Variants in ATXN7L3B observed in about 807,000 individuals in gnomAD.
The protein encoded by ATXN7L3B is ataxin-7-like protein 3B.
Under a neutral mutation model 6.3 loss-of-function variants are expected in ATXN7L3B, and 4 were observed. The observed-to-expected ratio is 0.63, with a 90% CI of 0.31 to 1.45. ATXN7L3B has a LOEUF of 1.45. ATXN7L3B is among the 40% of genes most tolerant of loss of function. ATXN7L3B has a pLI of 0.07. For synonymous variants in ATXN7L3B, 63 were observed against 48.0 expected (o/e 1.31, Z -1.29); for missense variants, 120 against 118.5 (o/e 1.01, Z -0.06).
Position 74,543,886 on chromosome 12 carries a change from A to G in ATXN7L3B, c.*5480A>G, listed in dbSNP as rs535262629. The G allele has an allele frequency of 1.3e-5, 2 of 152,226 alleles. No homozygotes were observed. The highest frequency in any genetic ancestry group is 2.1e-4 in the South Asian group (1 of 4,832). The allele number at this position is 152,226 out of a possible 1,614,324, so 9.4% of individuals were successfully genotyped here. ...GTACCAAAAATCTACACCAGTTACT[A>G]TACTTATTAATGAATACTTGGAAGC... On this transcript the variant is annotated 3_prime_UTR_variant, in exon 1 of 1. Coordinates refer to ENST00000519948, the MANE Select transcript of ATXN7L3B (RefSeq NM_001136262.2).
At position 74,540,723 on chromosome 12, in the gene ATXN7L3B, A is replaced by T. The variant is rs1373552878; in HGVS notation, c.*2317A>T. On this transcript the variant is annotated 3_prime_UTR_variant, in exon 1 of 1. Transcript: ENST00000519948. ...TTCCTAACAATGTCTTGGAAGTGGGATGATGGTAAAGGAGAAAGGCCACAG... is the reference window on the plus strand; with the variant it reads ...TTCCTAACAATGTCTTGGAAGTGGGTTGATGGTAAAGGAGAAAGGCCACAG... The T allele has an allele frequency of 6.0e-6, 1 of 167,082 alleles. No homozygotes were observed. The highest frequency in any genetic ancestry group is 1.5e-5 in the Non-Finnish European group (1 of 68,122). The allele number at this position is 167,082 out of a possible 1,614,324, so 10.3% of individuals were successfully genotyped here.
rs1868913947 is a variant in ATXN7L3B, at chr12:74,542,070, T to G, written c.*3664T>G. The G allele has an allele frequency of 6.6e-6, 1 of 152,144 alleles. No individual in the cohort carries two copies. The highest frequency in any genetic ancestry group is 2.4e-5 in the African/African-American group (1 of 41,422). 9.4% of individuals were successfully genotyped at this position (152,144 alleles called of 1,614,324 possible). A position where few individuals can be genotyped will look rare whatever the true frequency, so the allele number is the denominator to read the frequency against. ...GTATTGGACATAATACTGAGATTAA[T>G]AAAAATTACAGAAATGAGTCCAGAG... On this transcript the variant is annotated 3_prime_UTR_variant, in exon 1 of 1. Transcript: ENST00000519948.
chr12:74,537,995 C>A lies in ATXN7L3B; in HGVS notation c.-118C>A, dbSNP rs1592595102. ...CCTGCAGTTGCGGACGCCACCGACC[C>A]CGCCGCCGGAGGACTGGGCACTGAA... On this transcript the variant is annotated 5_prime_UTR_variant, in exon 1 of 1. Coordinates refer to ENST00000519948, the MANE Select transcript of ATXN7L3B (RefSeq NM_001136262.2). 1.0e-6 allele frequency: 1 copy of A among 960,878 alleles called. No homozygotes were observed. The highest frequency in any genetic ancestry group is 2.6e-5 in the East Asian group (1 of 37,996). The allele number at this position is 960,878 out of a possible 1,614,324, so 59.5% of individuals were successfully genotyped here. A position where few individuals can be genotyped will look rare whatever the true frequency, so the allele number is the denominator to read the frequency against.
In ATXN7L3B at chr12:74,545,396, A is replaced by G. The variant is rs1360577063; in HGVS notation, c.*6990A>G. On this transcript the variant is annotated 3_prime_UTR_variant, in exon 1 of 1. Transcript: ENST00000519948. The stretch of plus-strand genomic sequence containing the variant: ...ATCAATGCTGTATGTTGTTTAAATA[A>G]TTGTGAATATGAAATAAAAACTATA... 6.6e-6 allele frequency: 1 copy of G among 152,128 alleles called. No homozygotes were observed. The highest frequency in any genetic ancestry group is 1.9e-4 in the East Asian group (1 of 5,200). 9.4% of individuals were successfully genotyped at this position (152,128 alleles called of 1,614,324 possible).
chr12:74,541,019 CAG>C lies in ATXN7L3B; in HGVS notation c.*2614_*2615del, dbSNP rs1213554963. On this transcript the variant is annotated 3_prime_UTR_variant, in exon 1 of 1. Transcript: ENST00000519948. ...AGAATGCTCCCTACCATATAGTTGA[CAG>C]TGGTTAGGAACTCTCCCTTTCCCTA... is the stretch of plus-strand genomic sequence containing the variant. 4.8e-5 allele frequency: 8 copies of C among 166,934 alleles called. No individual in the cohort carries two copies. The highest frequency in any genetic ancestry group is 2.9e-5 in the Non-Finnish European group (2 of 68,142). The allele number at this position is 166,934 out of a possible 1,614,324, so 10.3% of individuals were successfully genotyped here.
rs1419429446 is a variant in ATXN7L3B, at chr12:74,543,429, AAAGGG to A, written c.*5027_*5031del. On this transcript the variant is annotated 3_prime_UTR_variant, in exon 1 of 1. Coordinates refer to ENST00000519948, the MANE Select transcript of ATXN7L3B (RefSeq NM_001136262.2). ...TAGGGCAATGAATTTGAAAACAAAA[AAAGGG>A]AAGTCTATTTTAAAATAGAACTCAA... 2.0e-5 allele frequency: 3 copies of A among 152,118 alleles called. No individual in the cohort carries two copies. The highest frequency in any genetic ancestry group is 4.4e-5 in the Non-Finnish European group (3 of 67,948). 9.4% of individuals were successfully genotyped at this position (152,118 alleles called of 1,614,324 possible).
chr12:74,542,478 A>G lies in ATXN7L3B; in HGVS notation c.*4072A>G, dbSNP rs1421230052. 1 of 152,160 alleles carries G rather than the reference A, an allele frequency of 6.6e-6. No homozygotes were observed. The highest frequency in any genetic ancestry group is 2.4e-5 in the African/African-American group (1 of 41,454). The allele number at this position is 152,160 out of a possible 1,614,324, so 9.4% of individuals were successfully genotyped here. A position where few individuals can be genotyped will look rare whatever the true frequency, so the allele number is the denominator to read the frequency against. ...CTAAGCTAATTAGTTTTCTAAAAAG[A>G]TAATTGCAAGACCCCTGCTTTACCA... On this transcript the variant is annotated 3_prime_UTR_variant, in exon 1 of 1. Coordinates refer to ENST00000519948, the MANE Select transcript of ATXN7L3B (RefSeq NM_001136262.2).
chr12:74,538,346 C>T lies in ATXN7L3B; in HGVS notation c.234C>T (p.Pro78=). 5 of 1,552,054 alleles carry T rather than the reference C, an allele frequency of 3.2e-6. No homozygotes were observed. The highest frequency in any genetic ancestry group is 3.5e-6 in the Non-Finnish European group (4 of 1,147,140). Residue 78 remains proline (P), a synonymous_variant, in exon 1 of 1, where the codon CCC becomes CCT. Transcript: ENST00000519948. The stretch of plus-strand genomic sequence containing the variant: ...GCCGCCTCCCGCTTTGCTCCCTTCC[C>T]GGAGAACCTGGGAATGGGCCTGATC... ...GACRLPLCSL[P]GEPGNGPDQQ... is the part of the protein sequence containing the mutation.
At position 74,545,322 on chromosome 12, in the gene ATXN7L3B, T is replaced by C. The variant is rs1255215737; in HGVS notation, c.*6916T>C. The C allele has an allele frequency of 2.0e-5, 3 of 152,120 alleles. No individual in the cohort carries two copies. Among genetic ancestry groups the C allele is most frequent in the South Asian group, 4.1e-4 (2 of 4,836 alleles). 9.4% of individuals were successfully genotyped at this position (152,120 alleles called of 1,614,324 possible). A position where few individuals can be genotyped will look rare whatever the true frequency, so the allele number is the denominator to read the frequency against. On this transcript the variant is annotated 3_prime_UTR_variant, in exon 1 of 1. Coordinates refer to ENST00000519948, the MANE Select transcript of ATXN7L3B (RefSeq NM_001136262.2). ...AGCTGTACAAATAAAATAGTAAACC[T>C]ATGTTCTTATACTTTGTTGCCTTTC... is the stretch of plus-strand genomic sequence containing the variant.
chr12:74,538,016 C>T lies in ATXN7L3B; in HGVS notation c.-97C>T, dbSNP rs931906383. 4.8e-6 allele frequency: 6 copies of T among 1,241,944 alleles called. No individual in the cohort carries two copies. The highest frequency in any genetic ancestry group is 1.5e-5 in the South Asian group (1 of 65,828). 76.9% of individuals were successfully genotyped at this position (1,241,944 alleles called of 1,614,324 possible). A position where few individuals can be genotyped will look rare whatever the true frequency, so the allele number is the denominator to read the frequency against. On this transcript the variant is annotated 5_prime_UTR_variant, in exon 1 of 1. Transcript: ENST00000519948. ...GACCCCGCCGCCGGAGGACTGGGCA[C>T]TGAAAGGCCTCTAGGCCTAGGCGCG...
Position 74,543,196 on chromosome 12 carries a change from A to G in ATXN7L3B, c.*4790A>G, listed in dbSNP as rs1264182041. 6.6e-6 allele frequency: 1 copy of G among 152,100 alleles called. No homozygotes were observed. Among genetic ancestry groups the G allele is most frequent in the Admixed American group, 6.5e-5 (1 of 15,268 alleles). The allele number at this position is 152,100 out of a possible 1,614,324, so 9.4% of individuals were successfully genotyped here. On this transcript the variant is annotated 3_prime_UTR_variant, in exon 1 of 1. Coordinates refer to ENST00000519948, the MANE Select transcript of ATXN7L3B (RefSeq NM_001136262.2). ...ATGTGAGCTAAAAAGGAAATACTAA[A>G]TTGATTTTAGAGATGAAAAAAAAAT...
In ATXN7L3B at chr12:74,541,899, T is replaced by C. The variant is rs530527498; in HGVS notation, c.*3493T>C. The C allele has an allele frequency of 6.6e-6, 1 of 152,336 alleles. No homozygotes were observed. Among genetic ancestry groups the C allele is most frequent in the South Asian group, 2.1e-4 (1 of 4,830 alleles). 9.4% of individuals were successfully genotyped at this position (152,336 alleles called of 1,614,324 possible). A position where few individuals can be genotyped will look rare whatever the true frequency, so the allele number is the denominator to read the frequency against. ...TACTTAAAAAATTACCTCAACACTT[T>C]AGATCTTTCATTTCATTTTTAATAG... On this transcript the variant is annotated 3_prime_UTR_variant, in exon 1 of 1. Transcript: ENST00000519948.
Position 74,545,418 on chromosome 12 carries a change from T to C in ATXN7L3B, c.*7012T>C, listed in dbSNP as rs1219031546. The C allele has an allele frequency of 6.6e-6, 1 of 152,154 alleles. No homozygotes were observed. The highest frequency in any genetic ancestry group is 1.5e-5 in the Non-Finnish European group (1 of 67,958). 9.4% of individuals were successfully genotyped at this position (152,154 alleles called of 1,614,324 possible). ...ATAATTGTGAATATGAAATAAAAAC[T>C]ATACCAAAAATATTGGATGAGACTT... On this transcript the variant is annotated 3_prime_UTR_variant, in exon 1 of 1. Coordinates refer to ENST00000519948, the MANE Select transcript of ATXN7L3B (RefSeq NM_001136262.2).
rs1291809991 is a variant in ATXN7L3B at position 74,542,785 on chromosome 12, C to T, written c.*4379C>T. On this transcript the variant is annotated 3_prime_UTR_variant, in exon 1 of 1. Coordinates refer to ENST00000519948, the MANE Select transcript of ATXN7L3B (RefSeq NM_001136262.2). ...AAGTAACATTGCCTTCTCTTAAGACCTATCTGAAGTGTTGTGAAGTTTTTC... is the reference window on the plus strand; with the variant it reads ...AAGTAACATTGCCTTCTCTTAAGACTTATCTGAAGTGTTGTGAAGTTTTTC... 1 of 152,102 alleles carries T rather than the reference C, an allele frequency of 6.6e-6. No homozygotes were observed. The highest frequency in any genetic ancestry group is 1.5e-5 in the Non-Finnish European group (1 of 67,972). The allele number at this position is 152,102 out of a possible 1,614,324, so 9.4% of individuals were successfully genotyped here.
rs1389321117 is a variant in ATXN7L3B, at chr12:74,543,703, AATC to A, written c.*5302_*5304del. On this transcript the variant is annotated 3_prime_UTR_variant, in exon 1 of 1. Coordinates refer to ENST00000519948, the MANE Select transcript of ATXN7L3B (RefSeq NM_001136262.2). ...ACAGGATGGCAAGATTTCATCTCAA[AATC>A]ATCACATTACCATTAGAGAAAATCC... 1 of 152,048 alleles carries A rather than the reference AATC, an allele frequency of 6.6e-6. No homozygotes were observed. The highest frequency in any genetic ancestry group is 1.5e-5 in the Non-Finnish European group (1 of 67,894). 9.4% of individuals were successfully genotyped at this position (152,048 alleles called of 1,614,324 possible).
At position 74,537,961 on chromosome 12, in the gene ATXN7L3B, A is replaced by G. The variant is rs1868762143; in HGVS notation, c.-152A>G. On this transcript the variant is annotated 5_prime_UTR_variant, in exon 1 of 1. Transcript: ENST00000519948. ...TTGGGATTCCGGAGCAGTCGCCCCT[A>G]TCGCTGCTCCTGCAGTTGCGGACGC... The G allele has an allele frequency of 1.2e-5, 8 of 658,038 alleles. No homozygotes were observed. The highest frequency in any genetic ancestry group is 5.4e-5 in the East Asian group (2 of 36,784). 40.8% of individuals were successfully genotyped at this position (658,038 alleles called of 1,614,324 possible).
At position 74,539,115 on chromosome 12, in the gene ATXN7L3B, G is replaced by C. The variant is rs1868812491; in HGVS notation, c.*709G>C. The C allele has an allele frequency of 6.0e-6, 1 of 167,206 alleles. No homozygotes were observed. The highest frequency in any genetic ancestry group is 2.4e-5 in the African/African-American group (1 of 41,450). 10.4% of individuals were successfully genotyped at this position (167,206 alleles called of 1,614,324 possible). ...CTCTTCCTTGCCCTCCAACCTGGTGGCATAGGCTTGGCAAATGGACAACTT... is the reference window on the plus strand; with the variant it reads ...CTCTTCCTTGCCCTCCAACCTGGTGCCATAGGCTTGGCAAATGGACAACTT... On this transcript the variant is annotated 3_prime_UTR_variant, in exon 1 of 1. Transcript: ENST00000519948.
At position 74,545,134 on chromosome 12, in the gene ATXN7L3B, T is replaced by A. The variant is rs373627923; in HGVS notation, c.*6728T>A. 1 of 152,074 alleles carries A rather than the reference T, an allele frequency of 6.6e-6. No homozygotes were observed. The highest frequency in any genetic ancestry group is 1.5e-5 in the Non-Finnish European group (1 of 67,924). 9.4% of individuals were successfully genotyped at this position (152,074 alleles called of 1,614,324 possible). A position where few individuals can be genotyped will look rare whatever the true frequency, so the allele number is the denominator to read the frequency against. On this transcript the variant is annotated 3_prime_UTR_variant, in exon 1 of 1. Transcript: ENST00000519948. ...GCTGTAAATTGGTAAAAAATGTTTT[T>A]AAAAGCAATTTAGAAATACCTGTTG...
rs1028204708 is a variant in ATXN7L3B at position 74,538,705 on chromosome 12, G to A, written c.*299G>A. On this transcript the variant is annotated 3_prime_UTR_variant, in exon 1 of 1. Transcript: ENST00000519948. ...CGCAAGATCCTGTAGTGCCCCCAGT[G>A]CACAGGTGAGCAGTTGTGTGCCCAG... 9 of 385,290 alleles carry A rather than the reference G, an allele frequency of 2.3e-5. No individual in the cohort carries two copies. The highest frequency in any genetic ancestry group is 1.8e-4 in the African/African-American group (9 of 48,936). 23.9% of individuals were successfully genotyped at this position (385,290 alleles called of 1,614,324 possible).
Sources: allele counts gnomAD v4.1 joint callset, GRCh38; gene constraint gnomAD v4.1.1; transcripts MANE v1.5; gene names NCBI Gene and HGNC (gene_info 2026-07-23, HGNC 2026-07-21).